GAS6: variants seen among roughly 807,000 people sequenced by gnomAD.
GAS6 encodes the protein growth arrest specific 6.
Under a neutral mutation model 75.8 loss-of-function variants are expected in GAS6, and 41 were observed. The observed-to-expected ratio is 0.54, with a 90% CI of 0.42 to 0.70. The LOEUF is 0.70. Ranked by LOEUF, GAS6 falls within the 30% of genes least tolerant of loss-of-function variation. The probability of loss-of-function intolerance (pLI) is 0.00; values close to 1 mark genes in which losing one functional copy is unlikely to be tolerated. For synonymous variants in GAS6, 432 were observed against 412.6 expected (o/e 1.05, Z -0.57); for missense variants, 854 against 940.2 (o/e 0.91, Z 1.20).
chr13:113,851,829 A>ATCC (rs943521658), intron 2 of GAS6, among the ~76,000 whole-genome samples: 1 of 152,224 alleles, frequency 6.6e-6, no homozygotes, highest in African/African-American at 2.4e-5. Context: ...ATAATATGGA[A>ATCC]GTGTTTGTGC....
At chr13:113,852,308 C>T (rs117373862) in intron 2 of GAS6, among the ~76,000 whole-genome samples, 1,535 of 152,284 alleles carry the variant, frequency 0.01, 22 homozygotes, top group Middle Eastern at 0.017. Context: ...CTGGGGGTTC[C>T]GGGGCTGGTC....
intron 13 of GAS6, 94 bp from the exon 14 acceptor site, chr13:113,822,280 C>G (rs900231184): frequency 7.3e-6 from 7 of 956,158 alleles, no homozygotes; most frequent in East Asian, 5.7e-5. Context: ...GCCACCCCTA[C>G]GCCGCACGCC....
At position 113,832,671 on chromosome 13, in the gene GAS6, C is replaced by T. The variant is rs767016321; in HGVS notation, c.916G>A (p.Val306Met). Residue 306 changes from valine (V) to methionine (M), a missense_variant, in exon 9 of 15, where the codon GTG becomes ATG. By Grantham distance (21) the Val-to-Met change is conservative (BLOSUM62 1). Transcript: ENST00000327773. The stretch of plus-strand genomic sequence containing the variant: ...AGCCTCTTGAAGCGCAGTCGGATCA[C>T]GGGGGTCCCACTGAACATCCGGCCC... ...YLGRMFSGTPVIRLRFKRLQP... is the reference protein window; with the variant it reads ...YLGRMFSGTPMIRLRFKRLQP... The T allele has an allele frequency of 1.9e-5, 30 of 1,612,640 alleles. No individual in the cohort carries two copies. The highest frequency in any genetic ancestry group is 1.3e-5 in the African/African-American group (1 of 74,946).
intron 14 of GAS6, chr13:113,821,379 T>G (rs987490735): frequency 1.6e-5 from 4 of 254,184 alleles, no homozygotes; most frequent in Admixed American, 4.8e-5. Context: ...GTGGAGTCTG[T>G]GTCTGGCAGC....
chr13:113,853,749 C>T (rs1369408091), intron 2 of GAS6, among the ~76,000 whole-genome samples: 1 of 152,200 alleles, frequency 6.6e-6, no homozygotes, highest in African/African-American at 2.4e-5. Context: ...CAGAGTAACG[C>T]CCACAGGAAC....
intron 3 of GAS6, 112 bp from the exon 4 acceptor site, chr13:113,846,701 C>A: frequency 1.2e-6 from 1 of 822,924 alleles, no homozygotes; most frequent in Non-Finnish European, 2.1e-6. Context: ...ACCTGGGGTG[C>A]TATCATCCTC....
chr13:113,824,064 C>CCT (rs1566352395), intron 12 of GAS6, among the ~76,000 whole-genome samples: 2 of 146,134 alleles, frequency 1.4e-5, no homozygotes, highest in South Asian at 2.2e-4. Context: ...GTCAGGAGCA[C>CCT]GCGCGGTCTG....
At chr13:113,847,813 T>C in intron 3 of GAS6, 1 of 604,062 alleles carries the variant, frequency 1.7e-6, no homozygotes, top group Non-Finnish European at 3.0e-6. Context: ...AGCATTCACC[T>C]GAGGTTCCAC....
At chr13:113,829,422 A>AGTC (rs2051600042) in intron 10 of GAS6, among the ~76,000 whole-genome samples, 12 of 149,384 alleles carry the variant, frequency 8.0e-5, no homozygotes, top group Middle Eastern at 3.7e-3. Context: ...AATCTCAGGG[A>AGTC]CACCACCTGA....
Position 113,839,798 on chromosome 13 carries a change from G to A in GAS6, c.396C>T (p.Ala132=). ...AGAAGTTGCCCATGAGGTCCTGGCA[G>A]GCTTGGGTCCCCTTCCTATCGCAGG... The part of the protein sequence containing the change: ...PNPCDRKGTQ[A]CQDLMGNFFC... Residue 132 remains alanine (A), a synonymous_variant, in exon 5 of 15, where the codon GCC becomes GCT. Coordinates refer to ENST00000327773, the MANE Select transcript of GAS6 (RefSeq NM_000820.4). 1 of 1,614,044 alleles carries A rather than the reference G, an allele frequency of 6.2e-7. No homozygotes were observed. Among genetic ancestry groups the A allele is most frequent in the Non-Finnish European group, 8.5e-7 (1 of 1,180,022 alleles).
At chr13:113,825,024 A>G (rs138123391) in intron 12 of GAS6, among the ~76,000 whole-genome samples, 2,444 of 151,952 alleles carry the variant, frequency 0.016, 65 homozygotes, top group African/African-American at 0.057. Context: ...TTCGAGACCA[A>G]CCTGACCAAC....
rs138687484 is a variant in GAS6 at position 113,848,096 on chromosome 13, C to T, written c.256-46G>A. On this transcript the variant is annotated intron_variant, in intron 2 of 14. Coordinates refer to ENST00000327773, the MANE Select transcript of GAS6 (RefSeq NM_000820.4). This position sits in a 1 kb window ranked among gnomAD's most constrained non-coding sequence, Gnocchi z 4.8. The stretch of plus-strand genomic sequence containing the variant: ...AAGGCAAGCATTGACCGGCACACTA[C>T]GAGGGTCTCTGAACAACATAAGCAT... 1,794 of 1,601,776 alleles carry T rather than the reference C, an allele frequency of 1.1e-3. 17 individuals carry two copies. The African/African-American group carries it at 0.021, about 19-fold the overall frequency.
At chr13:113,843,004 T>A in intron 4 of GAS6, 1 of 395,124 alleles carries the variant, frequency 2.5e-6, no homozygotes, top group South Asian at 1.4e-4. Flanking sequence ...GTTGGGAATG[T>A]ATTGATACCT....
At position 113,839,754 on chromosome 13, in the gene GAS6, C is replaced by G; in HGVS notation, c.440G>C (p.Gly147Ala). ...MGNFFCLCKA[G>A]WGGRLCDKDV... Reference sequence around the variant, plus strand: ...TTTGTCGCAGAGCCGGCCCCCCCAGCCAGCTTTACACAGGCAGAAGAAGTT... The same window carrying G: ...TTTGTCGCAGAGCCGGCCCCCCCAGGCAGCTTTACACAGGCAGAAGAAGTT... The change falls in exon 5 of 15, where the codon GGC becomes GCC. Residue 147 changes from glycine to alanine, a missense_variant. Physicochemically the swap from Gly to Ala is moderately conservative, Grantham distance 60. Transcript: ENST00000327773. 6.2e-7 allele frequency: 1 copy of G among 1,613,968 alleles called. No homozygotes were observed. Among genetic ancestry groups the G allele is most frequent in the Non-Finnish European group, 8.5e-7 (1 of 1,179,978 alleles).
intron 2 of GAS6, among the ~76,000 whole-genome samples, chr13:113,850,455 A>G (rs1208573892): frequency 6.6e-6 from 1 of 152,124 alleles, no homozygotes; most frequent in Non-Finnish European, 1.5e-5. Context: ...CAGGGGGAAG[A>G]AGCTGGGATT....
At chr13:113,855,248 T>C (rs2051905320) in intron 2 of GAS6, among the ~76,000 whole-genome samples, 1 of 151,974 alleles carries the variant, frequency 6.6e-6, no homozygotes, top group Admixed American at 6.6e-5. Context: ...CCTTTGGAGG[T>C]GTCAATCCCC....
intron 2 of GAS6, among the ~76,000 whole-genome samples, chr13:113,856,472 A>G (rs1193010269): frequency 1.3e-5 from 2 of 152,096 alleles, no homozygotes; most frequent in East Asian, 3.9e-4. Flanking sequence ...AACTTCACAC[A>G]TGGAGACCCC....
chr13:113,846,145 G>A (rs919339340), intron 4 of GAS6, among the ~76,000 whole-genome samples: 7 of 152,232 alleles, frequency 4.6e-5, no homozygotes, highest in African/African-American at 7.2e-5. Context: ...GCAGAGGCAC[G>A]GGACAGACCG....
chr13:113,861,085 G>A (rs1040624308), intron 2 of GAS6, among the ~76,000 whole-genome samples: 9 of 151,414 alleles, frequency 5.9e-5, no homozygotes, highest in African/African-American at 2.2e-4. Context: ...GTGCTTCCGG[G>A]AAGAAGGCGC....
Sources: gnomAD v4.1 joint callset for allele counts (sites outside exome capture counted in the v4.1 genomes callset) on GRCh38, gnomAD v4.1.1 for gene constraint, Gnocchi (gnomAD v3.1) non-coding constraint, MANE v1.5 for transcripts, NCBI Gene and HGNC (gene_info 2026-07-23, HGNC 2026-07-21) for gene names.